SPTA1: variants seen among roughly 807,000 people sequenced by gnomAD.
SPTA1 encodes the protein spectrin alpha, erythrocytic 1.
A neutral mutation model predicts 324.7 loss-of-function variants in SPTA1; 177 were observed. That is an observed-to-expected ratio of 0.55 (90% CI 0.48 to 0.62). The LOEUF is 0.62. Among genes scored for constraint, SPTA1 ranks in the 20% least tolerant of loss-of-function variants. The pLI is 0.00. For synonymous variants in SPTA1, 1,195 were observed against 1,041.3 expected, an observed-to-expected ratio of 1.15 and a Z score of -2.84; for missense variants, 3,162 against 2,883.6, an observed-to-expected ratio of 1.10 and a Z score of -2.21.
At chr1:158,651,507 C>T (rs777080900) in intron 23 of SPTA1, 39 bp from the exon 24 acceptor site, 4 of 1,382,508 alleles carry the variant, frequency 2.9e-6, no homozygotes, top group South Asian at 2.3e-5. Context: ...GTAAATTCAT[C>T]CAAAGCAGTG....
intron 33 of SPTA1, among the ~76,000 whole-genome samples, chr1:158,642,098 G>A (rs1175695026): frequency 4.0e-5 from 6 of 151,728 alleles, no homozygotes; most frequent in South Asian, 4.2e-4. Context: ...TCATAGGTGG[G>A]AACTGAACAA....
chr1:158,611,586 T>C, intron 51 of SPTA1, 197 bp from the exon 52 acceptor site: 1 of 546,988 alleles, frequency 1.8e-6, no homozygotes. Flanking sequence ...CTCAGCCCTT[T>C]CTTGAAAAAG....
At chr1:158,613,635 C>A in intron 50 of SPTA1, 86 bp downstream of exon 50, 1 of 1,589,246 alleles carries the variant, frequency 6.3e-7, no homozygotes, top group Non-Finnish European at 8.6e-7. Context: ...GAGTTAATTT[C>A]ATGTTTTATG....
intron 20 of SPTA1, 100 bp from the exon 21 acceptor site, chr1:158,654,848 G>T: frequency 1.3e-6 from 2 of 1,550,028 alleles, no homozygotes; most frequent in South Asian, 2.3e-5. Context: ...CAGGAGAAAA[G>T]AGCCTCTGGC....
At position 158,634,570 on chromosome 1, in the gene SPTA1, A is replaced by G; in HGVS notation, c.5538T>C (p.Asp1846=). The part of the protein sequence containing the change: ...NEKNALAVRG[D]CGDTLAATQS... ...GAGTAGCAGCTAATGTATCTCCACAATCTCCTCGGACAGCCAAAGCATTCT... is the reference window on the plus strand; with the variant it reads ...GAGTAGCAGCTAATGTATCTCCACAGTCTCCTCGGACAGCCAAAGCATTCT... Residue 1846 remains aspartate (D), a synonymous_variant, in exon 39 of 52, where the codon GAT becomes GAC. Transcript: ENST00000643759. 6.2e-7 allele frequency: 1 copy of G among 1,614,044 alleles called. No homozygotes were observed. The highest frequency in any genetic ancestry group is 8.5e-7 in the Non-Finnish European group (1 of 1,180,022).
chr1:158,648,830 C>T (rs1206465071), intron 25 of SPTA1, among the ~76,000 whole-genome samples, 177 bp from the exon 26 acceptor site: 4 of 127,478 alleles, frequency 3.1e-5, no homozygotes, highest in African/African-American at 1.2e-4. Context: ...ATTTAATCTT[C>T]ACAACTCCAA....
rs774102339 is a variant in SPTA1, at chr1:158,667,846, T to C, written c.2038+12A>G. 6.2e-7 allele frequency: 1 copy of C among 1,613,474 alleles called. No individual in the cohort carries two copies. The highest frequency in any genetic ancestry group is 1.7e-5 in the Admixed American group (1 of 59,934). On this transcript the variant is annotated intron_variant, in intron 15 of 51. Transcript: ENST00000643759. ...TAGAAAATGACCTTTCACCAAAACC[T>C]CTGCTTTTTACCTTTCTGTTTTGTA...
intron 3 of SPTA1, among the ~76,000 whole-genome samples, chr1:158,683,111 T>C (rs1220413841): frequency 6.6e-6 from 1 of 152,174 alleles, no homozygotes; most frequent in East Asian, 1.9e-4. Flanking sequence ...TTAAGTGGGC[T>C]TGATCTTGAG....
chr1:158,653,329 G>A lies in SPTA1; in HGVS notation c.3133C>T (p.Arg1045Trp), dbSNP rs373548086. Residue 1045 changes from arginine to tryptophan, a missense_variant, in exon 22 of 52, where the codon CGG becomes TGG. Transcript: ENST00000643759. ...ATGTTTCCTGGCTCTTCTCGTCGCC[G>A]CTGTGGGAGCATCGGGAACTCATCG... is the stretch of plus-strand genomic sequence containing the variant. Reference protein sequence around the residue: ...AHDEFPMLPQRRREEPGNITQ... With the variant: ...AHDEFPMLPQWRREEPGNITQ... The A allele has an allele frequency of 1.9e-6, 3 of 1,613,914 alleles. No individual in the cohort carries two copies. The highest frequency in any genetic ancestry group is 1.3e-5 in the African/African-American group (1 of 74,878).
rs976058794 is a variant in SPTA1, at chr1:158,629,285, A to G, written c.5566-1562T>C. Among the ~76,000 whole-genome samples the G allele has an allele frequency of 2.6e-5, 4 of 151,942 alleles. 1 individual carries two copies. The highest frequency in any genetic ancestry group is 9.7e-5 in the African/African-American group (4 of 41,394). ...ATTGAATATAGATGCAAAACTCCTC[A>G]ACAAAATACTAGCATGTTGAATCCA... On this transcript the variant is annotated intron_variant, in intron 39 of 51. Coordinates refer to ENST00000643759, the MANE Select transcript of SPTA1 (RefSeq NM_003126.4).
chr1:158,619,111 G>A, intron 45 of SPTA1, 111 bp downstream of exon 45: 1 of 1,060,136 alleles, frequency 9.4e-7, no homozygotes, highest in South Asian at 1.3e-5. Flanking sequence ...GGGATTTTAG[G>A]GCAGAATACA....
intron 7 of SPTA1, 90 bp from the exon 8 acceptor site, chr1:158,676,385 G>T: frequency 2.2e-6 from 3 of 1,349,916 alleles, no homozygotes; most frequent in Non-Finnish European, 3.1e-6. Context: ...AAAATCATAT[G>T]AATAATAATA....
intron 19 of SPTA1, among the ~76,000 whole-genome samples, 184 bp from the exon 20 acceptor site, chr1:158,656,840 T>A (rs1304210577): frequency 6.6e-6 from 1 of 152,228 alleles, no homozygotes; most frequent in Non-Finnish European, 1.5e-5. Flanking sequence ...TAAATTATAA[T>A]TTCAATATGT....
In SPTA1 at chr1:158,611,314, G is replaced by A; in HGVS notation, c.7210C>T (p.Leu2404Phe). Residue 2404 changes from leucine to phenylalanine, a missense_variant, in exon 52 of 52, where the codon CTC becomes TTC. Coordinates refer to ENST00000643759, the MANE Select transcript of SPTA1 (RefSeq NM_003126.4). ...QYMDPRGRSH[L>F]SGYDYVGFTN... is the part of the protein sequence containing the mutation. Reference sequence around the variant, plus strand: ...AAGCCAACGTAGTCATAGCCAGAGAGATGGCTTCGACCCCGTGGGTCCATA... The same window carrying A: ...AAGCCAACGTAGTCATAGCCAGAGAAATGGCTTCGACCCCGTGGGTCCATA... 1 of 1,613,868 alleles carries A rather than the reference G, an allele frequency of 6.2e-7. No homozygotes were observed. Among genetic ancestry groups the A allele is most frequent in the South Asian group, 1.1e-5 (1 of 91,082 alleles).
chr1:158,661,473 T>A (rs748088843), intron 17 of SPTA1, 64 bp from the exon 18 acceptor site: 7 of 1,608,526 alleles, frequency 4.4e-6, no homozygotes, highest in Admixed American at 1.7e-5. Flanking sequence ...CATACCTCAC[T>A]TTTTTAGAAC....
At chr1:158,621,785 T>G (rs1200723994) in intron 43 of SPTA1, among the ~76,000 whole-genome samples, 1 of 152,202 alleles carries the variant, frequency 6.6e-6, no homozygotes, top group Non-Finnish European at 1.5e-5. Flanking sequence ...ATTCCCTAAC[T>G]CCTTGACTTA....
intron 17 of SPTA1, among the ~76,000 whole-genome samples, chr1:158,661,646 T>A (rs368590311): frequency 2.6e-5 from 4 of 152,186 alleles, no homozygotes; most frequent in African/African-American, 7.2e-5. Flanking sequence ...AATGAAAACA[T>A]CACTATTGTT....
chr1:158,673,382 T>G (rs1276064406), intron 10 of SPTA1, among the ~76,000 whole-genome samples: 1 of 152,126 alleles, frequency 6.6e-6, no homozygotes, highest in Non-Finnish European at 1.5e-5. Flanking sequence ...TTCCAAGGTG[T>G]GCCTAGACTC....
chr1:158,611,075 C>T lies in SPTA1; in HGVS notation c.*189G>A. On this transcript the variant is annotated 3_prime_UTR_variant, in exon 52 of 52. Transcript: ENST00000643759. The stretch of plus-strand genomic sequence containing the variant: ...CCAACTCTATTAACCTTTCTATCTC[C>T]CACCCTTGAGATTTTTTAAGATCCT... 1.3e-6 allele frequency: 1 copy of T among 758,426 alleles called. No individual in the cohort carries two copies. The highest frequency in any genetic ancestry group is 2.3e-5 in the Admixed American group (1 of 43,784). 47.0% of individuals were successfully genotyped at this position (758,426 alleles called of 1,614,324 possible). A position where few individuals can be genotyped will look rare whatever the true frequency, so the allele number is the denominator to read the frequency against.
Sources: allele counts gnomAD v4.1 joint callset (sites outside exome capture counted in the v4.1 genomes callset), GRCh38; gene constraint gnomAD v4.1.1; transcripts MANE v1.5; gene names NCBI Gene and HGNC (gene_info 2026-07-23, HGNC 2026-07-21).